RSPO2: variants seen among roughly 807,000 people sequenced by gnomAD.
RSPO2 encodes the protein R-spondin-2.
In RSPO2, 14 loss-of-function variants were observed where a neutral mutation model predicts 30.9. That is an observed-to-expected ratio of 0.45 (90% CI 0.30 to 0.71). The LOEUF is 0.71. Among genes scored for constraint, RSPO2 ranks in the 30% least tolerant of loss-of-function variants. The pLI is 0.08. For synonymous variants in RSPO2, 107 were observed against 96.4 expected, an observed-to-expected ratio of 1.11 and a Z score of -0.64; for missense variants, 264 against 301.9, an observed-to-expected ratio of 0.87 and a Z score of 0.93.
intron 3 of RSPO2, among the ~76,000 whole-genome samples, chr8:107,977,956 C>T (rs978348179): frequency 1.3e-5 from 2 of 151,824 alleles, no homozygotes; most frequent in Non-Finnish European, 2.9e-5. Context: ...CTAAAACAGA[C>T]TCAGGTATCC....
chr8:108,039,197 A>T (rs567231018), intron 2 of RSPO2, among the ~76,000 whole-genome samples: 1 of 152,282 alleles, frequency 6.6e-6, no homozygotes, highest in East Asian at 1.9e-4. Flanking sequence ...TCATCTTCAT[A>T]TATTACCACA....
intron 3 of RSPO2, among the ~76,000 whole-genome samples, chr8:107,979,887 C>G (rs934607524): frequency 2.0e-5 from 3 of 152,198 alleles, no homozygotes; most frequent in African/African-American, 7.2e-5. Context: ...TGCCTCCTCT[C>G]TGGCTCTCTG....
intron 2 of RSPO2, among the ~76,000 whole-genome samples, chr8:108,029,783 C>T (rs1340054623): frequency 6.6e-6 from 1 of 152,198 alleles, no homozygotes; most frequent in Non-Finnish European, 1.5e-5. Context: ...AGGGTATCGA[C>T]AGGAGTTATT....
At chr8:107,942,670 G>A (rs867475919) in intron 5 of RSPO2, among the ~76,000 whole-genome samples, 2 of 152,014 alleles carry the variant, frequency 1.3e-5, no homozygotes, top group African/African-American at 4.8e-5. Flanking sequence ...TTTTTTTCTG[G>A]TCAATAGGAA....
chr8:107,912,518 G>T (rs759295556), intron 5 of RSPO2, among the ~76,000 whole-genome samples: 1 of 152,134 alleles, frequency 6.6e-6, no homozygotes, highest in Non-Finnish European at 1.5e-5. Flanking sequence ...GGTGGAGCAG[G>T]TCACTTGTGC....
chr8:108,014,844 TA>T (rs5893898), intron 2 of RSPO2, among the ~76,000 whole-genome samples: 209 of 106,342 alleles, frequency 2.0e-3, no homozygotes, highest in Admixed American at 2.6e-3. Context: ...TAAAGTATAA[TA>T]AAAAAAAAAA....
chr8:108,066,682 T>C (rs1431865022), intron 2 of RSPO2, among the ~76,000 whole-genome samples: 5 of 152,222 alleles, frequency 3.3e-5, no homozygotes, highest in African/African-American at 1.2e-4. Flanking sequence ...GAATTGTGTT[T>C]CATAGTACAA....
intron 4 of RSPO2, among the ~76,000 whole-genome samples, chr8:107,959,934 T>C (rs903414559): frequency 7.9e-5 from 12 of 152,172 alleles, no homozygotes; most frequent in African/African-American, 2.2e-4. Flanking sequence ...GTCTAATACA[T>C]AGCTGTGTTG....
intron 2 of RSPO2, among the ~76,000 whole-genome samples, chr8:108,009,880 T>G (rs947828211): frequency 6.6e-6 from 1 of 151,920 alleles, no homozygotes; most frequent in Non-Finnish European, 1.5e-5. Flanking sequence ...CAAAACTCCA[T>G]CTCTACAAAA....
intron 2 of RSPO2, among the ~76,000 whole-genome samples, chr8:108,053,093 C>A (rs1563580406): frequency 6.6e-6 from 1 of 152,116 alleles, no homozygotes. Flanking sequence ...TATTCTAGGT[C>A]TCAACTGGGG....
intron 2 of RSPO2, among the ~76,000 whole-genome samples, chr8:108,038,093 C>T (rs1286269393): frequency 6.6e-6 from 1 of 152,108 alleles, no homozygotes; most frequent in Non-Finnish European, 1.5e-5. Flanking sequence ...AAATTGAAAA[C>T]CTCCAGGAAA....
chr8:107,957,927 G>A lies in RSPO2; in HGVS notation c.616+153C>T, dbSNP rs149005061. Among the ~76,000 whole-genome samples the A allele has an allele frequency of 3.9e-3, 593 of 152,268 alleles. 10 individuals are homozygous for A. The highest frequency in any genetic ancestry group is 0.014 in the African/African-American group (569 of 41,556). ...CATATTTTTCACAACTGAAGCATTT[G>A]TTTTTAAATAAGTACAACAAAACTT... is the stretch of plus-strand genomic sequence containing the variant. On this transcript the variant is annotated intron_variant, in intron 5 of 5. Transcript: ENST00000276659.
chr8:108,060,691 A>G (rs1398257336), intron 2 of RSPO2, among the ~76,000 whole-genome samples: 2 of 151,760 alleles, frequency 1.3e-5, no homozygotes, highest in Non-Finnish European at 2.9e-5. Context: ...GAACGCCACA[A>G]AGATACCCCT....
chr8:107,970,404 T>C (rs769320307), intron 3 of RSPO2, among the ~76,000 whole-genome samples: 1 of 152,206 alleles, frequency 6.6e-6, no homozygotes, highest in Non-Finnish European at 1.5e-5. Context: ...CATAGTTTGC[T>C]GACCCCTAGG....
chr8:107,900,699 AAT>A lies in RSPO2; in HGVS notation c.*374_*375del, dbSNP rs966675338. The stretch of plus-strand genomic sequence containing the variant: ...ATCCTTGAAAATGCACAATGTGAGA[AAT>A]AAAGGTCACGAGTGAGTAGCGCATT... On this transcript the variant is annotated 3_prime_UTR_variant, in exon 6 of 6. Transcript: ENST00000276659. 1.2e-5 allele frequency: 2 copies of A among 170,236 alleles called. No homozygotes were observed. The highest frequency in any genetic ancestry group is 4.8e-5 in the African/African-American group (2 of 42,100). The allele number at this position is 170,236 out of a possible 1,614,324, so 10.5% of individuals were successfully genotyped here.
chr8:107,915,393 G>C (rs927825778), intron 5 of RSPO2, among the ~76,000 whole-genome samples: 2 of 152,096 alleles, frequency 1.3e-5, no homozygotes, highest in African/African-American at 4.8e-5. Flanking sequence ...CACCGTGGTG[G>C]GGTGTCTGTC....
rs118034979 is a variant in RSPO2 at position 108,046,130 on chromosome 8, G to A, written c.94+36415C>T. ...GCTGCTGCTTGAATAAGGCTTGCCCGCACACATTTCCGAGTATGGAAACCA... is the reference window on the plus strand; with the variant it reads ...GCTGCTGCTTGAATAAGGCTTGCCCACACACATTTCCGAGTATGGAAACCA... On this transcript the variant is annotated intron_variant, in intron 2 of 5. Coordinates refer to ENST00000276659, the MANE Select transcript of RSPO2 (RefSeq NM_178565.5). Among the ~76,000 whole-genome samples, 1,448 of 152,222 alleles carry A rather than the reference G, an allele frequency of 9.5e-3. 15 individuals carry two copies. The highest frequency in any genetic ancestry group is 0.015 in the Non-Finnish European group (1,047 of 68,014).
chr8:108,075,786 A>T (rs1393924191), intron 2 of RSPO2, among the ~76,000 whole-genome samples: 3 of 152,000 alleles, frequency 2.0e-5, no homozygotes, highest in Non-Finnish European at 4.4e-5. Context: ...TTCAATTTTT[A>T]AAAAAACAGC....
At chr8:107,920,590 A>G (rs1812129587) in intron 5 of RSPO2, among the ~76,000 whole-genome samples, 1 of 152,192 alleles carries the variant, frequency 6.6e-6, no homozygotes, top group South Asian at 2.1e-4. Flanking sequence ...ATAAAACTGC[A>G]TAAATGGTGC....
Sources: gnomAD v4.1 joint callset for allele counts (sites outside exome capture counted in the v4.1 genomes callset) on GRCh38, gnomAD v4.1.1 for gene constraint, MANE v1.5 for transcripts, NCBI Gene and HGNC (gene_info 2026-07-23, HGNC 2026-07-21) for gene names.